The following MX1 variants were observed in gnomAD, a reference collection of about 807,000 sequenced individuals.
MX1 encodes the protein interferon-induced GTP-binding protein Mx1.
MX1 carries 66 observed loss-of-function variants against 66.4 expected under a neutral mutation model. That is an observed-to-expected ratio of 0.99 (90% CI 0.82 to 1.22). The LOEUF (loss-of-function observed/expected upper bound fraction) is 1.22, where lower values mean the gene tolerates loss of function less well. MX1 is among the 50% of genes most tolerant of loss of function. The pLI, the probability that MX1 is intolerant of heterozygous loss-of-function variation, is 0.00. For missense variants in MX1, 787 were observed against 834.3 expected, an observed-to-expected ratio of 0.94 and a Z score of 0.70; for synonymous variants, 311 against 318.1, an observed-to-expected ratio of 0.98 and a Z score of 0.24.
In MX1 at chr21:41,435,843, G is replaced by T. The variant is rs771328938; in HGVS notation, c.112G>T (p.Glu38Ter). ...CCATTTTTGTTTCCTCCAGGTGGCT[G>T]AGAACAACCTGTGCAGCCAGTATGA... is the stretch of plus-strand genomic sequence containing the variant. Reference protein sequence around the residue: ...VAQKNPGSVAENNLCSQYEEK... With the variant: ...VAQKNPGSVA Residue 38 changes from glutamate to a stop codon, truncating the protein, a stop_gained, in exon 6 of 17, where the codon GAG becomes TAG. Transcript: ENST00000398598. LOFTEE classifies it high-confidence loss of function. The T allele has an allele frequency of 6.9e-6, 11 of 1,603,848 alleles. No individual in the cohort carries two copies. The highest frequency in any genetic ancestry group is 8.5e-6 in the Non-Finnish European group (10 of 1,171,868).
chr21:41,431,939 C>T, intron 4 of MX1, 111 bp from the exon 5 acceptor site: 1 of 755,350 alleles, frequency 1.3e-6, no homozygotes, highest in South Asian at 1.7e-5. Context: ...CCATGAACAA[C>T]TAGTCAGAGT....
chr21:41,431,231 C>G, intron 4 of MX1, among the ~76,000 whole-genome samples: 1 of 152,190 alleles, frequency 6.6e-6, no homozygotes, highest in East Asian at 1.9e-4. Context: ...CTATGTTGGC[C>G]AAGCTCGCTT....
Position 41,453,324 on chromosome 21 carries a change from T to G in MX1, c.1758+455T>G, listed in dbSNP as rs747424823. ...ACAGGTGGGAATTATGGGAGTACAATTCAAGATGAGATTTGGGTGGGGACA... is the reference window on the plus strand; with the variant it reads ...ACAGGTGGGAATTATGGGAGTACAAGTCAAGATGAGATTTGGGTGGGGACA... On this transcript the variant is annotated intron_variant, in intron 16 of 16. Transcript: ENST00000398598. Among the ~76,000 whole-genome samples, 7 of 152,236 alleles carry G rather than the reference T, an allele frequency of 4.6e-5. No individual in the cohort carries two copies. The South Asian group carries it at 8.3e-4, about 18-fold the overall frequency.
Position 41,443,841 on chromosome 21 carries a change from C to A in MX1, c.983C>A (p.Thr328Asn), listed in dbSNP as rs1023097194. ...ATVPCLAEKL[T>N]SELITHICKS... Reference sequence around the variant, plus strand: ...GTTCCCTGCCTGGCAGAAAAACTTACCAGCGAGCTCATCACACATATCTGT... The same window carrying A: ...GTTCCCTGCCTGGCAGAAAAACTTAACAGCGAGCTCATCACACATATCTGT... Residue 328 changes from threonine (T) to asparagine (N), a missense_variant, in exon 11 of 17, where the codon ACC becomes AAC. Physicochemically the swap from Thr to Asn is moderately conservative, Grantham distance 65 (BLOSUM62 0). Transcript: ENST00000398598. The A allele has an allele frequency of 2.5e-6, 4 of 1,614,226 alleles. No individual in the cohort carries two copies.
chr21:41,429,918 AAAAG>A (rs774000022), intron 3 of MX1: 1 of 151,334 alleles, frequency 6.6e-6, no homozygotes, highest in Non-Finnish European at 1.5e-5. Context: ...AAAAAAAAAA[AAAAG>A]AAAGAAATAC....
At chr21:41,451,307 A>G in intron 15 of MX1, 64 bp downstream of exon 15, 2 of 1,063,536 alleles carry the variant, frequency 1.9e-6, no homozygotes, top group Non-Finnish European at 1.4e-6. Context: ...ACACTAGAAA[A>G]TAGATTTCTT....
chr21:41,445,899 A>G (rs2090648565), intron 12 of MX1, 101 bp from the exon 13 acceptor site: 2 of 1,453,410 alleles, frequency 1.4e-6, no homozygotes, highest in Admixed American at 4.2e-5. Flanking sequence ...TAAGAAAGCA[A>G]AGAATGACTC....
rs1038999655 is a variant in MX1 at position 41,437,467 on chromosome 21, C to T, written c.436+315C>T. Among the ~76,000 whole-genome samples the T allele has an allele frequency of 6.7e-5, 9 of 135,100 alleles. 1 individual carries two copies. The highest frequency in any genetic ancestry group is 4.3e-4 in the Admixed American group (6 of 13,918). The allele number at this position is 135,100 out of a possible 152,430, so 88.6% of individuals were successfully genotyped here. ...CAGCCAGGGCAACATAGTGAGACCCCGTCTCTTAAAAAAAAAAAATTAAAA... is the reference window on the plus strand; with the variant it reads ...CAGCCAGGGCAACATAGTGAGACCCTGTCTCTTAAAAAAAAAAAATTAAAA... On this transcript the variant is annotated intron_variant, in intron 7 of 16. Transcript: ENST00000398598.
chr21:41,436,044 T>C lies in MX1; in HGVS notation c.298+15T>C. On this transcript the variant is annotated intron_variant, in intron 6 of 16. Coordinates refer to ENST00000398598, the MANE Select transcript of MX1 (RefSeq NM_002462.5). ...CAGAGGCAGCGGTAAGAACTTACATTCTGTGTTAGTCTGCTCAGGCTGCCA... is the reference window on the plus strand; with the variant it reads ...CAGAGGCAGCGGTAAGAACTTACATCCTGTGTTAGTCTGCTCAGGCTGCCA... 1 of 1,610,482 alleles carries C rather than the reference T, an allele frequency of 6.2e-7. No individual in the cohort carries two copies. The highest frequency in any genetic ancestry group is 8.5e-7 in the Non-Finnish European group (1 of 1,177,200).
upstream of MX1, among the ~76,000 whole-genome samples, chr21:41,421,565 C>G (rs1021135176): frequency 7.2e-5 from 11 of 152,224 alleles, no homozygotes; most frequent in African/African-American, 2.4e-4. Flanking sequence ...TCCCTGGGTA[C>G]TTGAGATTAG....
At chr21:41,434,994 A>C (rs1440750375) in intron 5 of MX1, among the ~76,000 whole-genome samples, 1 of 152,216 alleles carries the variant, frequency 6.6e-6, no homozygotes, top group East Asian at 1.9e-4. Flanking sequence ...ATGGCTAAAA[A>C]AGTCTTTGTT....
At chr21:41,435,268 G>A (rs1049461805) in intron 5 of MX1, among the ~76,000 whole-genome samples, 2 of 152,296 alleles carry the variant, frequency 1.3e-5, no homozygotes, top group Non-Finnish European at 2.9e-5. Context: ...CTTAATGTCT[G>A]TTGAGTTTCT....
chr21:41,442,525 T>C (rs1341015627), intron 10 of MX1: 1 of 152,772 alleles, frequency 6.5e-6, no homozygotes, highest in East Asian at 1.9e-4. Context: ...TGACATTTTT[T>C]AAAAGGAAAA....
At chr21:41,436,950 G>C (rs368358204) in intron 6 of MX1, 65 bp from the exon 7 acceptor site, 123 of 1,584,134 alleles carry the variant, frequency 7.8e-5, no homozygotes, top group South Asian at 7.3e-4. Flanking sequence ...AGAACCATGG[G>C]CCTAAGGCGC....
At chr21:41,422,362 C>T (rs181066223), upstream of MX1, among the ~76,000 whole-genome samples, 37 of 152,324 alleles carry the variant, frequency 2.4e-4, 1 homozygote, top group Admixed American at 2.0e-3. Flanking sequence ...CCGTGTTTAG[C>T]ATATCATCAA....
rs192565477 is a variant in MX1, at chr21:41,439,303, C to T, written c.437-391C>T. ...TAAGCACATTTCCCCATATAATTTT[C>T]CAGTTTATATTTTAGGCATTTCCAT... is the stretch of plus-strand genomic sequence containing the variant. On this transcript the variant is annotated intron_variant, in intron 7 of 16. Coordinates refer to ENST00000398598, the MANE Select transcript of MX1 (RefSeq NM_002462.5). Among the ~76,000 whole-genome samples, 398 of 152,212 alleles carry T rather than the reference C, an allele frequency of 2.6e-3. 2 individuals are homozygous for T. Among genetic ancestry groups the T allele is most frequent in the African/African-American group, 9.1e-3 (377 of 41,540 alleles).
At chr21:41,448,866 A>C (rs1187283957) in intron 13 of MX1, among the ~76,000 whole-genome samples, 1 of 151,704 alleles carries the variant, frequency 6.6e-6, no homozygotes. Context: ...GGTTCCTGGC[A>C]TCGTACCTGG....
intron 6 of MX1, 107 bp from the exon 7 acceptor site, chr21:41,436,908 A>G: frequency 7.2e-7 from 1 of 1,388,998 alleles, no homozygotes; most frequent in Non-Finnish European, 9.8e-7. Flanking sequence ...TCCAGTTTTA[A>G]ATGTCTCCCC....
At chr21:41,447,888 C>G (rs1365417802) in intron 13 of MX1, among the ~76,000 whole-genome samples, 7 of 152,070 alleles carry the variant, frequency 4.6e-5, no homozygotes, top group Admixed American at 4.6e-4. Flanking sequence ...ATTATAGGCA[C>G]CTGTCTAATT....
Sources: allele counts gnomAD v4.1 joint callset (sites outside exome capture counted in the v4.1 genomes callset), GRCh38; gene constraint gnomAD v4.1.1; transcripts MANE v1.5; gene names NCBI Gene and HGNC (gene_info 2026-07-23, HGNC 2026-07-21).